SBF2: variants seen among roughly 807,000 people sequenced by gnomAD.
SBF2 encodes myotubularin-related protein 13.
A neutral mutation model predicts 225.2 loss-of-function variants in SBF2; 112 were observed. The observed-to-expected ratio is 0.50, with a 90% CI of 0.43 to 0.58. SBF2 has a LOEUF of 0.58. Ranked by LOEUF, SBF2 falls within the 20% of genes least tolerant of loss-of-function variation. SBF2 has a pLI of 0.00. For missense variants in SBF2, 1,996 were observed against 2,206.2 expected, an observed-to-expected ratio of 0.90 and a Z score of 1.91; for synonymous variants, 763 against 773.3, an observed-to-expected ratio of 0.99 and a Z score of 0.22.
At chr11:9,849,266 C>T (rs1856759792) in intron 22 of SBF2, among the ~76,000 whole-genome samples, 2 of 152,042 alleles carry the variant, frequency 1.3e-5, no homozygotes, top group Admixed American at 6.6e-5. Context: ...GCCCAATCTC[C>T]CAATTTTATA....
intron 26 of SBF2, among the ~76,000 whole-genome samples, chr11:9,834,637 C>T (rs986065795): frequency 6.6e-6 from 1 of 152,054 alleles, no homozygotes; most frequent in Admixed American, 6.5e-5. Flanking sequence ...GAAGCTGTGG[C>T]CTGAATTTTT....
chr11:9,808,392 G>A (rs1373678064), intron 31 of SBF2: 1 of 603,144 alleles, frequency 1.7e-6, no homozygotes, highest in African/African-American at 1.9e-5. Context: ...TTGGCTACAA[G>A]TTTACTTTCA....
At chr11:10,237,881 G>C (rs1959139306) in intron 1 of SBF2, among the ~76,000 whole-genome samples, 1 of 152,200 alleles carries the variant, frequency 6.6e-6, no homozygotes, top group Admixed American at 6.5e-5. Flanking sequence ...TATGTACTTT[G>C]GGAGGGGGTC....
chr11:10,056,984 G>C (rs1247205408), intron 2 of SBF2, among the ~76,000 whole-genome samples: 3 of 152,058 alleles, frequency 2.0e-5, no homozygotes, highest in African/African-American at 4.8e-5. Context: ...CTCCCAAAAA[G>C]GGTCTCCAGC....
At position 9,786,737 on chromosome 11, in the gene SBF2, A is replaced by T. The variant is rs1852397691; in HGVS notation, c.5037+897T>A. 2.0e-5 allele frequency among the ~76,000 whole-genome samples: 3 copies of T among 152,302 alleles called. No individual in the cohort carries two copies. In the South Asian group the frequency reaches 6.2e-4, roughly 32 times the overall value. The stretch of plus-strand genomic sequence containing the variant: ...GCCTGTTCCTTGTGTAGGAGAGGGA[A>T]CGCCATTCCCTCACAGTGGATTAAA... On this transcript the variant is annotated intron_variant, in intron 36 of 39. Transcript: ENST00000256190.
chr11:9,796,026 A>C, intron 32 of SBF2, 69 bp from the exon 33 acceptor site: 1 of 1,479,714 alleles, frequency 6.8e-7, no homozygotes, highest in Non-Finnish European at 9.3e-7. Context: ...AGGCCACTGA[A>C]GGCTTAACTG....
intron 1 of SBF2, among the ~76,000 whole-genome samples, chr11:10,228,162 C>T (rs1958663824): frequency 6.6e-6 from 1 of 152,138 alleles, no homozygotes; most frequent in Non-Finnish European, 1.5e-5. Context: ...GATTTTTGCA[C>T]ATTGATTTTG....
intron 16 of SBF2, among the ~76,000 whole-genome samples, chr11:9,908,289 C>G (rs17356069): frequency 0.18 from 28,099 of 152,098 alleles, 2,947 homozygotes; most frequent in Non-Finnish European, 0.23. Flanking sequence ...GTTAAAGCTT[C>G]TAAAATATAC....
chr11:9,995,649 C>CT (rs375157492), intron 9 of SBF2, among the ~76,000 whole-genome samples: 1,816 of 141,550 alleles, frequency 0.013, 29 homozygotes, highest in African/African-American at 0.039. Context: ...TTTTTCTTTT[C>CT]TTTTTTTTTT....
At chr11:9,878,740 C>T (rs1205643462) in intron 17 of SBF2, among the ~76,000 whole-genome samples, 1 of 152,088 alleles carries the variant, frequency 6.6e-6, no homozygotes, top group Non-Finnish European at 1.5e-5. Flanking sequence ...AATTTTAATT[C>T]TAATTTTATT....
chr11:9,864,178 G>C (rs1432628072), intron 17 of SBF2, among the ~76,000 whole-genome samples: 1 of 152,158 alleles, frequency 6.6e-6, no homozygotes, highest in Admixed American at 6.6e-5. Flanking sequence ...ATGACTATAA[G>C]CATCTTCTAC....
At chr11:10,286,979 C>T (rs1040856069) in intron 1 of SBF2, among the ~76,000 whole-genome samples, 1 of 152,174 alleles carries the variant, frequency 6.6e-6, no homozygotes, top group Non-Finnish European at 1.5e-5. Flanking sequence ...CAATTATGTT[C>T]ACCATAGCCC....
intron 1 of SBF2, among the ~76,000 whole-genome samples, chr11:10,247,308 A>C (rs1461934183): frequency 6.6e-6 from 1 of 152,202 alleles, no homozygotes; most frequent in Admixed American, 6.5e-5. Flanking sequence ...TAGCAAAGCA[A>C]GTTGCATTTA....
At chr11:9,898,220 G>T (rs1861429245) in intron 16 of SBF2, among the ~76,000 whole-genome samples, 1 of 152,210 alleles carries the variant, frequency 6.6e-6, no homozygotes, top group Non-Finnish European at 1.5e-5. Context: ...GCTTAGCCTA[G>T]AAGTGGCCAT....
chr11:9,815,537 GA>G (rs1854413730), intron 29 of SBF2, among the ~76,000 whole-genome samples: 1 of 151,930 alleles, frequency 6.6e-6, no homozygotes, highest in Non-Finnish European at 1.5e-5. Context: ...GAGAGGGAAG[GA>G]AAAAGGCAGC....
chr11:9,818,799 A>G (rs1590152621), intron 28 of SBF2, among the ~76,000 whole-genome samples: 1 of 152,184 alleles, frequency 6.6e-6, no homozygotes, highest in East Asian at 1.9e-4. Flanking sequence ...TCGGCTCACC[A>G]CAGCCTCTGC....
chr11:10,199,342 T>C (rs1957493186), intron 1 of SBF2, among the ~76,000 whole-genome samples: 1 of 151,850 alleles, frequency 6.6e-6, no homozygotes, highest in Admixed American at 6.6e-5. Flanking sequence ...AACAGTAATA[T>C]CAAAGATCAC....
At chr11:9,933,084 A>T (rs904091339) in intron 16 of SBF2, among the ~76,000 whole-genome samples, 47 of 152,174 alleles carry the variant, frequency 3.1e-4, no homozygotes, top group African/African-American at 1.1e-3. Flanking sequence ...AATGGTAAAC[A>T]GATCAATTCA....
intron 12 of SBF2, among the ~76,000 whole-genome samples, chr11:9,992,050 A>G (rs1947463116): frequency 6.6e-6 from 1 of 152,154 alleles, no homozygotes; most frequent in South Asian, 2.1e-4. Flanking sequence ...CATTTTTTAA[A>G]ATGTAATATT....
Sources: allele counts gnomAD v4.1 joint callset (sites outside exome capture counted in the v4.1 genomes callset), GRCh38; gene constraint gnomAD v4.1.1; transcripts MANE v1.5; gene names NCBI Gene and HGNC (gene_info 2026-07-23, HGNC 2026-07-21).